Variants in ZNF805 observed in about 807,000 individuals in gnomAD.
The protein encoded by ZNF805 is zinc finger protein 805.
In ZNF805, 7 loss-of-function variants were observed where a neutral mutation model predicts 13.6. The observed-to-expected ratio is 0.51, with a 90% CI of 0.29 to 0.97. The LOEUF is 0.97. Among genes scored for constraint, ZNF805 ranks in the 50% least tolerant of loss-of-function variants. The probability of loss-of-function intolerance (pLI) is 0.08; values close to 1 mark genes in which losing one functional copy is unlikely to be tolerated. For missense variants in ZNF805, 604 were observed against 771.0 expected (o/e 0.78, Z 2.57); for synonymous variants, 293 against 279.8 (o/e 1.05, Z -0.47).
intron 3 of ZNF805, among the ~76,000 whole-genome samples, chr19:57,248,948 G>C (rs139249799): frequency 6.6e-6 from 1 of 152,154 alleles, no homozygotes; most frequent in Admixed American, 6.5e-5. Flanking sequence ...CCGGAACCCT[G>C]GTTAGCCAGT....
intron 2 of ZNF805, among the ~76,000 whole-genome samples, chr19:57,248,007 G>GACT (rs1351297040): frequency 1.3e-5 from 2 of 152,146 alleles, no homozygotes; most frequent in African/African-American, 2.4e-5. Context: ...AGGAATTCAG[G>GACT]ACTAGCCTGG....
In ZNF805 at chr19:57,254,122, G is replaced by C; in HGVS notation, c.1303G>C (p.Ala435Pro). Residue 435 changes from alanine (A) to proline (P), a missense_variant, in exon 4 of 4, where the codon GCC becomes CCC. Around this residue, in one of 3 missense-constraint regions of ZNF805, gnomAD observed 228 missense variants for 352.8 expected, o/e 0.65. Transcript: ENST00000414468. ...ATATGTGTGTAGTGAATGCGGAAAGGCCTTCACCCACTGCTCTACTTTCAT... is the reference window on the plus strand; with the variant it reads ...ATATGTGTGTAGTGAATGCGGAAAGCCCTTCACCCACTGCTCTACTTTCAT... Reference protein sequence around the residue: ...KPYVCSECGKAFTHCSTFILH... With the variant: ...KPYVCSECGKPFTHCSTFILH... The C allele has an allele frequency of 6.2e-7, 1 of 1,613,494 alleles. No individual in the cohort carries two copies. Among genetic ancestry groups the C allele is most frequent in the Non-Finnish European group, 8.5e-7 (1 of 1,179,926 alleles).
chr19:57,245,696 G>A (rs375332629), intron 2 of ZNF805, among the ~76,000 whole-genome samples: 34 of 151,320 alleles, frequency 2.2e-4, no homozygotes, highest in South Asian at 1.9e-3. Context: ...GGAGAATGGC[G>A]TGAACCCAGG....
rs2087689786 is a variant in ZNF805 at position 57,256,778 on chromosome 19, GTC to G, written c.*2079_*2080del. Among the ~76,000 whole-genome samples, 1 of 151,926 alleles carries G rather than the reference GTC, an allele frequency of 6.6e-6. No individual in the cohort carries two copies. Among genetic ancestry groups the G allele is most frequent in the African/African-American group, 2.4e-5 (1 of 41,362 alleles). ...ACTTTATATCACTGATTTTTCTCCA[GTC>G]TCTGTTCTTAATTTCACTGATATCT... is the stretch of plus-strand genomic sequence containing the variant. On this transcript the variant is annotated 3_prime_UTR_variant, in exon 4 of 4. Transcript: ENST00000414468.
At position 57,257,908 on chromosome 19, in the gene ZNF805, A is replaced by G. The variant is rs999418821; in HGVS notation, c.*3205A>G. Among the ~76,000 whole-genome samples, 14 of 150,972 alleles carry G rather than the reference A, an allele frequency of 9.3e-5. No homozygotes were observed. The highest frequency in any genetic ancestry group is 3.4e-4 in the African/African-American group (14 of 40,982). On this transcript the variant is annotated 3_prime_UTR_variant, in exon 4 of 4. Coordinates refer to ENST00000414468, the MANE Select transcript of ZNF805 (RefSeq NM_001023563.4). ...TTTTTAGTAGAGATGGAGTTTCACC[A>G]TGTTGGCCAGGCTGGTCTCGAACTC...
rs1329627880 is a variant in ZNF805, at chr19:57,261,188, T to G, written c.*6485T>G. Among the ~76,000 whole-genome samples, 1 of 152,226 alleles carries G rather than the reference T, an allele frequency of 6.6e-6. No individual in the cohort carries two copies. The highest frequency in any genetic ancestry group is 1.5e-5 in the Non-Finnish European group (1 of 68,042). Reference sequence around the variant, plus strand: ...TCAAACTGTGCTCATTTATTTATAATCTACTATTCTTATTTGACAGTACAT... The same window carrying G: ...TCAAACTGTGCTCATTTATTTATAAGCTACTATTCTTATTTGACAGTACAT... On this transcript the variant is annotated 3_prime_UTR_variant, in exon 4 of 4. Transcript: ENST00000414468.
Position 57,256,700 on chromosome 19 carries a change from T to C in ZNF805, c.*1997T>C, listed in dbSNP as rs1325332426. 6.6e-6 allele frequency among the ~76,000 whole-genome samples: 1 copy of C among 152,186 alleles called. No homozygotes were observed. Among genetic ancestry groups the C allele is most frequent in the Non-Finnish European group, 1.5e-5 (1 of 68,002 alleles). ...ATATTGGAAATGTATCACTTATTAT[T>C]GTCAGTCTTTGTAGACATATGTCAA... On this transcript the variant is annotated 3_prime_UTR_variant, in exon 4 of 4. Transcript: ENST00000414468.
At position 57,254,510 on chromosome 19, in the gene ZNF805, G is replaced by A. The variant is rs1181974578; in HGVS notation, c.1691G>A (p.Arg564Lys). ...CAGCATCAAAGGATGCATACTGGGA[G>A]AAATCCTATCAGTGTAACAGATGTG... ...LTQHQRMHTGRNPISVTDVGR... is the reference protein window; with the variant it reads ...LTQHQRMHTGKNPISVTDVGR... Residue 564 changes from arginine (R) to lysine (K), a missense_variant, in exon 4 of 4, where the codon AGA (arginine) becomes AAA (lysine). Around this residue, in one of 3 missense-constraint regions of ZNF805, gnomAD observed 228 missense variants for 352.8 expected, o/e 0.65. Transcript: ENST00000414468. The A allele has an allele frequency of 3.7e-6, 6 of 1,614,196 alleles. No homozygotes were observed. Among genetic ancestry groups the A allele is most frequent in the South Asian group, 1.1e-5 (1 of 91,080 alleles).
At chr19:57,245,142 A>T (rs1250644772) in intron 2 of ZNF805, among the ~76,000 whole-genome samples, 1 of 152,088 alleles carries the variant, frequency 6.6e-6, no homozygotes, top group East Asian at 1.9e-4. Flanking sequence ...CACGTCCTTC[A>T]ATCACCTTCA....
chr19:57,248,708 C>T lies in ZNF805; in HGVS notation c.253+8C>T, dbSNP rs754451551. The T allele has an allele frequency of 9.5e-6, 15 of 1,580,034 alleles. No individual in the cohort carries two copies. The highest frequency in any genetic ancestry group is 2.7e-5 in the African/African-American group (2 of 74,468). ...CCCAAGGCACCTGTCCAGGTAGGAG[C>T]CAAGATCTGGGCAGGTCGGAGTCCC... On this transcript the variant is annotated splice_region_variant and intron_variant, in intron 3 of 3. Transcript: ENST00000414468.
Position 57,245,743 on chromosome 19 carries a change from C to T in ZNF805, c.157+1694C>T, listed in dbSNP as rs371814464. Among the ~76,000 whole-genome samples the T allele has an allele frequency of 2.1e-3, 316 of 151,434 alleles. 3 individuals carry two copies. Among genetic ancestry groups the T allele is most frequent in the Non-Finnish European group, 2.4e-3 (166 of 67,912 alleles). On this transcript the variant is annotated intron_variant, in intron 2 of 3. Coordinates refer to ENST00000414468, the MANE Select transcript of ZNF805 (RefSeq NM_001023563.4). ...GCAGTGAGCTGAGATTGCACCACTG[C>T]ACTCCAGCCTGGGCGACAGAGCGAG...
intron 1 of ZNF805, among the ~76,000 whole-genome samples, chr19:57,241,653 A>G (rs1599983703): frequency 1.1e-5 from 1 of 94,598 alleles, no homozygotes; most frequent in Non-Finnish European, 2.5e-5. Flanking sequence ...CAGGTCCACT[A>G]TGGCTGACCA....
rs376509002 is a variant in ZNF805, at chr19:57,254,145, C to A, written c.1326C>A (p.Phe442Leu). 34 of 1,613,590 alleles carry A rather than the reference C, an allele frequency of 2.1e-5. No homozygotes were observed. Among genetic ancestry groups the A allele is most frequent in the Non-Finnish European group, 2.7e-5 (32 of 1,179,916 alleles). The change falls in exon 4 of 4, where the codon TTC becomes TTA. Residue 442 changes from phenylalanine (F) to leucine (L), a missense_variant. Phe to Leu is a conservative substitution (Grantham distance 22, BLOSUM62 0). Transcript: ENST00000414468. ...CGKAFTHCSTFILHKRAHTGE... is the reference protein window; with the variant it reads ...CGKAFTHCSTLILHKRAHTGE... ...AGGCCTTCACCCACTGCTCTACTTT[C>A]ATCTTGCATAAAAGGGCCCACACTG...
chr19:57,240,727 C>T lies in ZNF805; in HGVS notation c.-165C>T, dbSNP rs1049313631. On this transcript the variant is annotated 5_prime_UTR_variant, in exon 1 of 4. Transcript: ENST00000414468. ...TGAGCAGGTAGGAGGCCGACAGCGA[C>T]CTCCGCGTCTCGGAGCGAACCGTGA... The T allele has an allele frequency of 8.3e-6, 5 of 604,120 alleles. No individual in the cohort carries two copies. The highest frequency in any genetic ancestry group is 1.9e-5 in the African/African-American group (1 of 51,782). The allele number at this position is 604,120 out of a possible 1,614,324, so 37.4% of individuals were successfully genotyped here.
rs373397844 is a variant in ZNF805 at position 57,240,660 on chromosome 19, G to A, written c.-232G>A. On this transcript the variant is annotated 5_prime_UTR_variant, in exon 1 of 4. Coordinates refer to ENST00000414468, the MANE Select transcript of ZNF805 (RefSeq NM_001023563.4). ...TCCGTCCACGCCGGCTCTAGGGAGG[G>A]GGCGGTGTTCCGTGGCCGCCTCCCT... 5.9e-6 allele frequency: 3 copies of A among 511,214 alleles called. No individual in the cohort carries two copies. Among genetic ancestry groups the A allele is most frequent in the Non-Finnish European group, 7.0e-6 (2 of 286,944 alleles). 31.7% of individuals were successfully genotyped at this position (511,214 alleles called of 1,614,324 possible).
At chr19:57,244,916 AC>A (rs1205206364) in intron 2 of ZNF805, among the ~76,000 whole-genome samples, 2 of 150,786 alleles carry the variant, frequency 1.3e-5, no homozygotes, top group Non-Finnish European at 2.9e-5. Flanking sequence ...TCCATCTCTC[AC>A]CCACTGCCCA....
rs1428519030 is a variant in ZNF805, at chr19:57,254,949, T to C, written c.*246T>C. The stretch of plus-strand genomic sequence containing the variant: ...TGAAATGCAGACACTGCTTTTATAC[T>C]GTTGTCTTGTATGTACATTTCTGTC... On this transcript the variant is annotated 3_prime_UTR_variant, in exon 4 of 4. Coordinates refer to ENST00000414468, the MANE Select transcript of ZNF805 (RefSeq NM_001023563.4). 3 of 473,602 alleles carry C rather than the reference T, an allele frequency of 6.3e-6. No individual in the cohort carries two copies. In the Admixed American group the frequency reaches 1.2e-4, roughly 19 times the overall value. 29.3% of individuals were successfully genotyped at this position (473,602 alleles called of 1,614,324 possible).
intron 3 of ZNF805, among the ~76,000 whole-genome samples, chr19:57,252,435 T>A (rs1268946895): frequency 6.6e-6 from 1 of 152,194 alleles, no homozygotes; most frequent in Non-Finnish European, 1.5e-5. Flanking sequence ...AGACAAAGCA[T>A]ACAAATTAGA....
rs1242150915 is a variant in ZNF805, at chr19:57,262,141, A to G, written c.*7438A>G. 1.8e-5 allele frequency: 3 copies of G among 167,028 alleles called. No homozygotes were observed. Among genetic ancestry groups the G allele is most frequent in the Non-Finnish European group, 2.9e-5 (2 of 68,128 alleles). The allele number at this position is 167,028 out of a possible 1,614,324, so 10.3% of individuals were successfully genotyped here. A position where few individuals can be genotyped will look rare whatever the true frequency, so the allele number is the denominator to read the frequency against. ...TGGGAAACTTCCCAAAACCTAAAGT[A>G]CAGACTCCAGCCAAGGATGAACCTT... On this transcript the variant is annotated 3_prime_UTR_variant, in exon 4 of 4. Transcript: ENST00000414468.
Sources: gnomAD v4.1 joint callset for allele counts (sites outside exome capture counted in the v4.1 genomes callset) on GRCh38, gnomAD v4.1.1 for gene constraint, gnomAD v4.1.1 regional missense constraint, MANE v1.5 for transcripts, NCBI Gene and HGNC (gene_info 2026-07-23, HGNC 2026-07-21) for gene names.